Variants in DSCAM observed in about 807,000 individuals in gnomAD.
The protein encoded by DSCAM is cell adhesion molecule DSCAM.
A neutral mutation model predicts 217.7 loss-of-function variants in DSCAM; 47 were observed. That is an observed-to-expected ratio of 0.22 (90% CI 0.17 to 0.28). DSCAM has a LOEUF of 0.28. DSCAM is among the 10% of genes least tolerant of loss of function. DSCAM has a pLI of 1.00. For missense variants in DSCAM, 2,080 were observed against 2,618.3 expected (o/e 0.79, Z 4.49); for synonymous variants, 1,056 against 1,015.3 (o/e 1.04, Z -0.76).
chr21:40,180,518 G>A (rs567212542), intron 14 of DSCAM, among the ~76,000 whole-genome samples: 49 of 152,284 alleles, frequency 3.2e-4, no homozygotes, highest in African/African-American at 1.1e-3. Context: ...CAAATGAGGA[G>A]AGGAAATTTT....
At chr21:40,156,271 G>T (rs9305691) in intron 16 of DSCAM, among the ~76,000 whole-genome samples, 49,834 of 138,086 alleles carry the variant, frequency 0.36, 9,151 homozygotes, top group East Asian at 0.54. Context: ...TGGAAGCTGT[G>T]ACAGTCAAAC....
In DSCAM at chr21:40,266,223, C is replaced by T. The variant is rs367705812; in HGVS notation, c.2356+9874G>A. ...TGGATATTTCTCAAAAGAAGATATA[C>T]AAATGGCCAAAAACGTGTGAAAAAA... On this transcript the variant is annotated intron_variant, in intron 11 of 32. Transcript: ENST00000400454. Among the ~76,000 whole-genome samples the T allele has an allele frequency of 1.7e-4, 20 of 115,438 alleles. No individual in the cohort carries two copies. The East Asian group carries it at 4.1e-3, about 24-fold the overall frequency. 75.7% of individuals were successfully genotyped at this position (115,438 alleles called of 152,430 possible).
intron 3 of DSCAM, among the ~76,000 whole-genome samples, chr21:40,590,363 T>C (rs777005367): frequency 2.6e-5 from 4 of 152,242 alleles, no homozygotes; most frequent in Non-Finnish European, 5.9e-5. Context: ...TAATGAGCCA[T>C]GGAGCCCCTG....
In DSCAM at chr21:40,720,817, G is replaced by A. The variant is rs180756000; in HGVS notation, c.44-12046C>T. 3.2e-3 allele frequency among the ~76,000 whole-genome samples: 492 copies of A among 152,302 alleles called. 1 individual carries two copies. The highest frequency in any genetic ancestry group is 0.011 in the African/African-American group (469 of 41,560). On this transcript the variant is annotated intron_variant, in intron 1 of 32. Transcript: ENST00000400454. ...TTGTGGGGTTAGGGGGACCAAGTAT[G>A]ACACTTGAGGGGACTAAGGCTGCTA...
intron 30 of DSCAM, among the ~76,000 whole-genome samples, chr21:40,047,578 G>T (rs1322563857): frequency 6.6e-6 from 1 of 152,166 alleles, no homozygotes; most frequent in Non-Finnish European, 1.5e-5. Context: ...AGAGGATTTT[G>T]TAGATAATAT....
At chr21:40,325,163 A>G (rs567406042) in intron 8 of DSCAM, among the ~76,000 whole-genome samples, 8 of 152,308 alleles carry the variant, frequency 5.3e-5, no homozygotes, top group Non-Finnish European at 1.2e-4. Flanking sequence ...TTTTTTAAGT[A>G]AAGTGCTGAA....
chr21:40,320,670 T>A (rs1358647774), intron 8 of DSCAM, among the ~76,000 whole-genome samples: 1 of 152,130 alleles, frequency 6.6e-6, no homozygotes, highest in African/African-American at 2.4e-5. Context: ...AAGTCCCACC[T>A]TACATGGATG....
At chr21:40,297,854 G>A (rs1430901625) in intron 9 of DSCAM, among the ~76,000 whole-genome samples, 1 of 152,156 alleles carries the variant, frequency 6.6e-6, no homozygotes, top group African/African-American at 2.4e-5. Context: ...AAACACATTG[G>A]CTTGGTGTCC....
intron 1 of DSCAM, among the ~76,000 whole-genome samples, chr21:40,723,090 C>CTT (rs3071003): frequency 0.075 from 10,476 of 139,532 alleles, 701 homozygotes; most frequent in African/African-American, 0.18. Context: ...CTCTCTCGCT[C>CTT]TTTTTTTTTT....
At chr21:40,470,374 A>G (rs554694303) in intron 3 of DSCAM, among the ~76,000 whole-genome samples, 8 of 152,356 alleles carry the variant, frequency 5.3e-5, no homozygotes, top group African/African-American at 1.9e-4. Flanking sequence ...CAGGCTTACA[A>G]TAACGTCCTG....
intron 1 of DSCAM, among the ~76,000 whole-genome samples, chr21:40,781,534 G>T (rs1481761510): frequency 6.6e-6 from 1 of 152,160 alleles, no homozygotes; most frequent in Non-Finnish European, 1.5e-5. Context: ...TTTGAGGGAT[G>T]GAAAACTGAA....
At chr21:40,575,545 C>T (rs2076843351) in intron 3 of DSCAM, among the ~76,000 whole-genome samples, 1 of 151,984 alleles carries the variant, frequency 6.6e-6, no homozygotes, top group Admixed American at 6.5e-5. Context: ...GGGATGAAAG[C>T]CTGTTTCATA....
rs577294359 is a variant in DSCAM at position 40,162,307 on chromosome 21, T to C, written c.3018+4911A>G. ...AGATAATGCATGCAGAAGTTTAGCATTGTGCCTGGCGGGGAGCAAATATCT... is the reference window on the plus strand; with the variant it reads ...AGATAATGCATGCAGAAGTTTAGCACTGTGCCTGGCGGGGAGCAAATATCT... On this transcript the variant is annotated intron_variant, in intron 16 of 32. Coordinates refer to ENST00000400454, the MANE Select transcript of DSCAM (RefSeq NM_001389.5). Among the ~76,000 whole-genome samples, 34 of 152,294 alleles carry C rather than the reference T, an allele frequency of 2.2e-4. 1 individual carries two copies. The South Asian group carries it at 3.7e-3, about 17-fold the overall frequency.
At chr21:40,181,378 G>A (rs1015337029) in intron 14 of DSCAM, among the ~76,000 whole-genome samples, 3 of 152,100 alleles carry the variant, frequency 2.0e-5, no homozygotes, top group Non-Finnish European at 4.4e-5. Context: ...CAGAGTCTCT[G>A]GGGAATGGTG....
At chr21:40,106,206 C>G (rs547134518) in intron 20 of DSCAM, among the ~76,000 whole-genome samples, 2 of 152,144 alleles carry the variant, frequency 1.3e-5, no homozygotes, top group Non-Finnish European at 2.9e-5. Context: ...TATTCACTAT[C>G]ATGAGAACAG....
chr21:40,102,565 A>G (rs1308883796), intron 20 of DSCAM, among the ~76,000 whole-genome samples: 1 of 152,198 alleles, frequency 6.6e-6, no homozygotes. Context: ...AGCGTCTTCT[A>G]GACCTGCCTT....
At chr21:40,704,553 A>AT (rs2090692032) in intron 2 of DSCAM, among the ~76,000 whole-genome samples, 1 of 150,774 alleles carries the variant, frequency 6.6e-6, no homozygotes, top group African/African-American at 2.5e-5. Flanking sequence ...CCCTCTACAA[A>AT]ATTTTTTTTT....
At chr21:40,047,350 T>C (rs1712943880) in intron 30 of DSCAM, among the ~76,000 whole-genome samples, 1 of 152,194 alleles carries the variant, frequency 6.6e-6, no homozygotes, top group African/African-American at 2.4e-5. Flanking sequence ...AAATAAACGC[T>C]GGGATTTACT....
chr21:40,353,444 G>A (rs754359048), intron 5 of DSCAM, 21 bp downstream of exon 5: 2 of 1,592,096 alleles, frequency 1.3e-6, no homozygotes, highest in Admixed American at 1.9e-5. Context: ...CACCACCTTT[G>A]CAAGTTACCG....
Sources: gnomAD v4.1 joint callset for allele counts (sites outside exome capture counted in the v4.1 genomes callset) on GRCh38, gnomAD v4.1.1 for gene constraint, MANE v1.5 for transcripts, NCBI Gene and HGNC (gene_info 2026-07-23, HGNC 2026-07-21) for gene names.